Variants in DNAJC3 observed in about 807,000 individuals in gnomAD.
DNAJC3 encodes DnaJ heat shock protein family (Hsp40) member C3, also known as dnaJ homolog subfamily C member 3.
In DNAJC3, 38 loss-of-function variants were observed where a neutral mutation model predicts 68.6. The ratio of observed to expected loss-of-function variants is 0.55; its 90% CI spans 0.43 to 0.73. The LOEUF (loss-of-function observed/expected upper bound fraction) is 0.73, where lower values mean the gene tolerates loss of function less well. DNAJC3 is among the 30% of genes least tolerant of loss of function. DNAJC3 has a pLI of 0.00. For missense variants in DNAJC3, 526 were observed against 591.9 expected (o/e 0.89, Z 1.16); for synonymous variants, 203 against 204.0 (o/e 1.00, Z 0.04).
chr13:95,772,586 G>A (rs979908978), intron 9 of DNAJC3, among the ~76,000 whole-genome samples: 2 of 152,106 alleles, frequency 1.3e-5, no homozygotes, highest in African/African-American at 4.8e-5. Context: ...AGTATCTATT[G>A]TGGTTTTAAT....
chr13:95,693,408 A>C (rs545835290), intron 1 of DNAJC3: 1 of 152,270 alleles, frequency 6.6e-6, no homozygotes, highest in East Asian at 1.9e-4. Flanking sequence ...TATCAGAATT[A>C]TTGTCTTTGT....
chr13:95,773,534 T>G (rs1470741896), intron 9 of DNAJC3, among the ~76,000 whole-genome samples: 1 of 152,106 alleles, frequency 6.6e-6, no homozygotes, highest in African/African-American at 2.4e-5. Flanking sequence ...TTAGTTTTTG[T>G]AAGTTACATC....
chr13:95,729,628 A>G (rs1041125870), intron 4 of DNAJC3, among the ~76,000 whole-genome samples: 1 of 152,058 alleles, frequency 6.6e-6, no homozygotes, highest in South Asian at 2.1e-4. Context: ...TCCTGCCAAC[A>G]GCGTATAAGA....
intron 1 of DNAJC3, among the ~76,000 whole-genome samples, chr13:95,691,166 G>A (rs1471027836): frequency 2.7e-5 from 4 of 148,868 alleles, no homozygotes; most frequent in African/African-American, 7.4e-5. Flanking sequence ...CCTCCCTCCC[G>A]GACGGGGCTG....
At chr13:95,765,800 G>A (rs143741781) in intron 9 of DNAJC3, among the ~76,000 whole-genome samples, 4 of 152,122 alleles carry the variant, frequency 2.6e-5, no homozygotes, top group African/African-American at 9.6e-5. Flanking sequence ...CTGAACTCCT[G>A]ACCTCAGGTG....
chr13:95,735,831 T>G (rs1881895294), intron 4 of DNAJC3, among the ~76,000 whole-genome samples: 1 of 152,210 alleles, frequency 6.6e-6, no homozygotes, highest in Non-Finnish European at 1.5e-5. Flanking sequence ...TTTAATTAGA[T>G]CCCATTTGTC....
rs527497332 is a variant in DNAJC3, at chr13:95,677,197, G to C, written c.-59G>C. 6.6e-7 allele frequency: 1 copy of C among 1,519,540 alleles called. No homozygotes were observed. Among genetic ancestry groups the C allele is most frequent in the South Asian group, 1.2e-5 (1 of 83,938 alleles). 94.1% of individuals were successfully genotyped at this position (1,519,540 alleles called of 1,614,324 possible). On this transcript the variant is annotated 5_prime_UTR_variant, in exon 1 of 12. Coordinates refer to ENST00000602402, the MANE Select transcript of DNAJC3 (RefSeq NM_006260.5). ...GGGCGGGCGCAGCTGCTGCCGGAGC[G>C]CCGGCGCGTGCTGGTGGGCCACACA...
At chr13:95,786,184 A>T (rs924768357) in intron 10 of DNAJC3, 113 bp downstream of exon 10, 206 of 1,181,172 alleles carry the variant, frequency 1.7e-4, no homozygotes, top group Non-Finnish European at 2.2e-4. Flanking sequence ...AATTTCAGTC[A>T]TATGGATTAA....
At chr13:95,743,166 C>T (rs1882201056) in intron 4 of DNAJC3, among the ~76,000 whole-genome samples, 1 of 152,158 alleles carries the variant, frequency 6.6e-6, no homozygotes, top group Non-Finnish European at 1.5e-5. Flanking sequence ...TTCCTGCACT[C>T]TGTTGATTAC....
At chr13:95,754,455 AC>A (rs1428399638) in intron 4 of DNAJC3, among the ~76,000 whole-genome samples, 6 of 152,266 alleles carry the variant, frequency 3.9e-5, no homozygotes, top group African/African-American at 1.4e-4. Context: ...TTTTTAACAA[AC>A]TTTTATACTG....
intron 4 of DNAJC3, among the ~76,000 whole-genome samples, chr13:95,740,648 C>A (rs1257460957): frequency 2.0e-5 from 3 of 152,218 alleles, no homozygotes; most frequent in Non-Finnish European, 4.4e-5. Flanking sequence ...CCAAGTGAGG[C>A]AATGCCTCGC....
At position 95,723,517 on chromosome 13, in the gene DNAJC3, A is replaced by G. The variant is rs577333414; in HGVS notation, c.318+151A>G. 23 of 847,112 alleles carry G rather than the reference A, an allele frequency of 2.7e-5. No homozygotes were observed. The Admixed American group carries it at 3.7e-4, about 14-fold the overall frequency. The allele number at this position is 847,112 out of a possible 1,614,324, so 52.5% of individuals were successfully genotyped here. On this transcript the variant is annotated intron_variant, in intron 3 of 11. Transcript: ENST00000602402. ...TGGACTGAGGAACAAGAGAAATTCA[A>G]AGTCCCTAGAATCAAAGATCTGTGT...
At chr13:95,691,624 G>A (rs1378940277) in intron 1 of DNAJC3, among the ~76,000 whole-genome samples, 3 of 151,850 alleles carry the variant, frequency 2.0e-5, no homozygotes, top group Middle Eastern at 3.4e-3. Flanking sequence ...GCGGCCAGGC[G>A]GAGACGCTCC....
chr13:95,786,836 A>T (rs1162654439), intron 10 of DNAJC3, among the ~76,000 whole-genome samples, 171 bp from the exon 11 acceptor site: 1 of 152,210 alleles, frequency 6.6e-6, no homozygotes, highest in Non-Finnish European at 1.5e-5. Flanking sequence ...TGTCAGCTTT[A>T]ATGATCATCC....
intron 2 of DNAJC3, among the ~76,000 whole-genome samples, chr13:95,715,225 G>A (rs888261162): frequency 7.9e-5 from 12 of 152,098 alleles, no homozygotes; most frequent in Non-Finnish European, 1.3e-4. Context: ...GCAAGAGCTC[G>A]TCTCTACAAA....
intron 4 of DNAJC3, among the ~76,000 whole-genome samples, chr13:95,747,650 G>A (rs1047346587): frequency 6.6e-6 from 1 of 152,166 alleles, no homozygotes; most frequent in Non-Finnish European, 1.5e-5. Context: ...TAGCGTGATC[G>A]ACTGGTTGCT....
Position 95,709,679 on chromosome 13 carries a change from G to T in DNAJC3, c.193+342G>T, listed in dbSNP as rs17879097. ...GACGGAGTCTCGCTCTGTCGCTGTC[G>T]CCCAGGCTGGAGTGCAGTGGCACGA... On this transcript the variant is annotated intron_variant, in intron 2 of 11. Transcript: ENST00000602402. Among the ~76,000 whole-genome samples, 22 of 134,476 alleles carry T rather than the reference G, an allele frequency of 1.6e-4. No homozygotes were observed. In the South Asian group the frequency reaches 3.6e-3, roughly 22 times the overall value. The allele number at this position is 134,476 out of a possible 152,430, so 88.2% of individuals were successfully genotyped here.
chr13:95,741,320 C>A (rs1021037379), intron 4 of DNAJC3, among the ~76,000 whole-genome samples: 1 of 152,124 alleles, frequency 6.6e-6, no homozygotes, highest in African/African-American at 2.4e-5. Context: ...TATAATTTGG[C>A]TGGCTGTAAT....
intron 2 of DNAJC3, among the ~76,000 whole-genome samples, chr13:95,717,300 A>G (rs964871080): frequency 6.6e-6 from 1 of 152,216 alleles, no homozygotes; most frequent in African/African-American, 2.4e-5. Context: ...TTTTTATATC[A>G]CTTAAACTTG....
Sources: gnomAD v4.1 joint callset for allele counts (sites outside exome capture counted in the v4.1 genomes callset) on GRCh38, gnomAD v4.1.1 for gene constraint, MANE v1.5 for transcripts, NCBI Gene and HGNC (gene_info 2026-07-23, HGNC 2026-07-21) for gene names.